The following ZNF264 variants were observed in gnomAD, a reference collection of about 807,000 sequenced individuals.
The protein encoded by ZNF264 is zinc finger protein 264.
ZNF264 carries 11 observed loss-of-function variants against 11.2 expected under a neutral mutation model. That is an observed-to-expected ratio of 0.98 (90% CI 0.62 to 1.63). The LOEUF is 1.63. ZNF264 is among the 40% of genes most tolerant of loss of function. The pLI, the probability that ZNF264 is intolerant of heterozygous loss-of-function variation, is 0.00. For synonymous variants in ZNF264, 309 were observed against 279.8 expected (o/e 1.10, Z -1.04); for missense variants, 752 against 768.1 (o/e 0.98, Z 0.25).
chr19:57,216,349 T>TCAA lies in ZNF264; in HGVS notation c.*3381_*3383dup, dbSNP rs749827560. ...CTGGGCAACAGAGCGAGACTCTGTC[T>TCAA]CAACAACAACAACAAAAAGTCCTGA... On this transcript the variant is annotated 3_prime_UTR_variant, in exon 4 of 4. Transcript: ENST00000263095. 6.6e-6 allele frequency: 1 copy of TCAA among 152,252 alleles called. No individual in the cohort carries two copies. 9.4% of individuals were successfully genotyped at this position (152,252 alleles called of 1,614,324 possible).
At chr19:57,194,554 C>G (rs1015548782) in intron 2 of ZNF264, among the ~76,000 whole-genome samples, 3 of 152,206 alleles carry the variant, frequency 2.0e-5, no homozygotes, top group Non-Finnish European at 4.4e-5. Context: ...AGTCCCAAAG[C>G]TGAAGAACTT....
At chr19:57,205,777 G>T (rs1444819326) in intron 3 of ZNF264, among the ~76,000 whole-genome samples, 1 of 152,192 alleles carries the variant, frequency 6.6e-6, no homozygotes, top group East Asian at 1.9e-4. Context: ...CTGAAATGTG[G>T]CTTGCCAGTC....
intron 3 of ZNF264, among the ~76,000 whole-genome samples, chr19:57,208,339 G>GT (rs950978182): frequency 6.6e-6 from 1 of 152,106 alleles, no homozygotes; most frequent in African/African-American, 2.4e-5. Context: ...GAGCTCAGGA[G>GT]TTTGAGACCG....
chr19:57,212,258 T>G lies in ZNF264; in HGVS notation c.1161T>G (p.Ile387Met). The G allele has an allele frequency of 6.2e-7, 1 of 1,613,460 alleles. No individual in the cohort carries two copies. The highest frequency in any genetic ancestry group is 8.5e-7 in the Non-Finnish European group (1 of 1,179,862). ...TCTTCTTGGAGAGTGCAGCCCTGAT[T>G]CACCACTATGTCATCCACACTGGAG... ...GKVFLESAAL[I>M]HHYVIHTGEK... Residue 387 changes from isoleucine (I) to methionine (M), a missense_variant, in exon 4 of 4, where the codon ATT (isoleucine) becomes ATG (methionine). By Grantham distance (10) the Ile-to-Met change is conservative. Transcript: ENST00000263095.
chr19:57,213,554 CATT>C lies in ZNF264; in HGVS notation c.*574_*576del, dbSNP rs1007656593. 12 of 152,212 alleles carry C rather than the reference CATT, an allele frequency of 7.9e-5. No individual in the cohort carries two copies. Among genetic ancestry groups the C allele is most frequent in the African/African-American group, 2.7e-4 (11 of 41,462 alleles). 9.4% of individuals were successfully genotyped at this position (152,212 alleles called of 1,614,324 possible). A position where few individuals can be genotyped will look rare whatever the true frequency, so the allele number is the denominator to read the frequency against. On this transcript the variant is annotated 3_prime_UTR_variant, in exon 4 of 4. Coordinates refer to ENST00000263095, the MANE Select transcript of ZNF264 (RefSeq NM_003417.5). ...ATGCCCGTCTTTTGGTTTACGTCATCATTGTAGCCATATGGTAAATTTTTATTT... is the reference window on the plus strand; with the variant it reads ...ATGCCCGTCTTTTGGTTTACGTCATCGTAGCCATATGGTAAATTTTTATTT...
At chr19:57,195,520 G>A (rs1342739388) in intron 2 of ZNF264, among the ~76,000 whole-genome samples, 2 of 152,132 alleles carry the variant, frequency 1.3e-5, no homozygotes, top group African/African-American at 4.8e-5. Context: ...CTGGTGGAGT[G>A]ACCCAAACCT....
chr19:57,191,922 A>C lies in ZNF264; in HGVS notation c.9A>C (p.Ala3=), dbSNP rs1483517179. The change falls in exon 1 of 4, where the codon GCA becomes GCC. Residue 3 remains alanine (A), a synonymous_variant. Transcript: ENST00000263095. MA[A]AVLTDRAQVS... ...GCCCAGGGGGTGACGTGATGGCGGC[A>C]GCGGTGCTGACGGACCGGGCCCAGG... 3.9e-6 allele frequency: 6 copies of C among 1,524,062 alleles called. No individual in the cohort carries two copies. Among genetic ancestry groups the C allele is most frequent in the Non-Finnish European group, 5.3e-6 (6 of 1,134,184 alleles). The allele number at this position is 1,524,062 out of a possible 1,614,324, so 94.4% of individuals were successfully genotyped here.
intron 2 of ZNF264, among the ~76,000 whole-genome samples, chr19:57,202,497 T>TCTGACCTC (rs1363450149): frequency 6.6e-6 from 1 of 151,834 alleles, no homozygotes; most frequent in Non-Finnish European, 1.5e-5. Context: ...GGGTCAGGCC[T>TCTGACCTC]CTGACCTCCT....
chr19:57,199,890 C>T (rs150184473), intron 2 of ZNF264, among the ~76,000 whole-genome samples: 10 of 151,848 alleles, frequency 6.6e-5, no homozygotes, highest in African/African-American at 2.4e-4. Flanking sequence ...GGGTTTATCT[C>T]CTCAGACAAA....
chr19:57,192,535 C>G, intron 1 of ZNF264: 6 of 985,370 alleles, frequency 6.1e-6, no homozygotes, highest in Non-Finnish European at 7.2e-6. Context: ...GAGACAAGTT[C>G]TGTCGGAACC....
chr19:57,200,244 A>G (rs1478840707), intron 2 of ZNF264, among the ~76,000 whole-genome samples: 1 of 151,796 alleles, frequency 6.6e-6, no homozygotes, highest in African/African-American at 2.4e-5. Flanking sequence ...TTGGAAAAGA[A>G]TGGGACCCTG....
At chr19:57,211,221 A>G in intron 3 of ZNF264, 133 bp from the exon 4 acceptor site, 1 of 972,440 alleles carries the variant, frequency 1.0e-6, no homozygotes, top group Non-Finnish European at 1.5e-6. Context: ...TTGCAAACCC[A>G]AGAATTTGAG....
chr19:57,210,155 T>C (rs2087324045), intron 3 of ZNF264, among the ~76,000 whole-genome samples: 1 of 152,184 alleles, frequency 6.6e-6, no homozygotes, highest in South Asian at 2.1e-4. Flanking sequence ...ACTTTCTGTC[T>C]CTTTAGACTA....
Position 57,212,073 on chromosome 19 carries a change from C to T in ZNF264, c.976C>T (p.His326Tyr), listed in dbSNP as rs777219086. 1 of 1,614,052 alleles carries T rather than the reference C, an allele frequency of 6.2e-7. No individual in the cohort carries two copies. Among genetic ancestry groups the T allele is most frequent in the South Asian group, 1.1e-5 (1 of 91,084 alleles). Residue 326 changes from histidine to tyrosine, a missense_variant, in exon 4 of 4, where the codon CAT becomes TAT. Coordinates refer to ENST00000263095, the MANE Select transcript of ZNF264 (RefSeq NM_003417.5). ...CACAGAATGTGGCCAAGTCTTTCGA[C>T]ATAGGCCAGGCTTTCTCCGGCACTA... ...VCTECGQVFR[H>Y]RPGFLRHYVV...
chr19:57,205,591 C>G, intron 3 of ZNF264, 99 bp downstream of exon 3: 2 of 1,059,222 alleles, frequency 1.9e-6, no homozygotes, highest in Admixed American at 2.0e-5. Flanking sequence ...TCATTGTGGC[C>G]TCTCTCTATA....
chr19:57,191,923 G>A lies in ZNF264; in HGVS notation c.10G>A (p.Ala4Thr). ...CCCAGGGGGTGACGTGATGGCGGCAGCGGTGCTGACGGACCGGGCCCAGGT... is the reference window on the plus strand; with the variant it reads ...CCCAGGGGGTGACGTGATGGCGGCAACGGTGCTGACGGACCGGGCCCAGGT... MAA[A>T]VLTDRAQVSV... The change falls in exon 1 of 4, where the codon GCG becomes ACG. Residue 4 changes from alanine (A) to threonine (T), a missense_variant. By Grantham distance (58) the Ala-to-Thr change is moderately conservative. Coordinates refer to ENST00000263095, the MANE Select transcript of ZNF264 (RefSeq NM_003417.5). 1.3e-6 allele frequency: 2 copies of A among 1,526,904 alleles called. No individual in the cohort carries two copies. Among genetic ancestry groups the A allele is most frequent in the Non-Finnish European group, 1.8e-6 (2 of 1,135,654 alleles). The allele number at this position is 1,526,904 out of a possible 1,614,324, so 94.6% of individuals were successfully genotyped here. A position where few individuals can be genotyped will look rare whatever the true frequency, so the allele number is the denominator to read the frequency against.
intron 2 of ZNF264, among the ~76,000 whole-genome samples, chr19:57,200,012 A>AG (rs2087239549): frequency 4.2e-5 from 2 of 47,718 alleles, no homozygotes; most frequent in African/African-American, 5.6e-4. Context: ...TAAAAAAAAA[A>AG]AAAGAAAAAA....
At chr19:57,192,777 G>A (rs989645854) in intron 1 of ZNF264, among the ~76,000 whole-genome samples, 2 of 152,068 alleles carry the variant, frequency 1.3e-5, no homozygotes, top group African/African-American at 4.8e-5. Flanking sequence ...TGTCGCCCAG[G>A]CTGGAGTACA....
Position 57,213,443 on chromosome 19 carries a change from T to C in ZNF264, c.*462T>C, listed in dbSNP as rs1345964305. The C allele has an allele frequency of 6.4e-6, 1 of 156,582 alleles. No homozygotes were observed. 9.7% of individuals were successfully genotyped at this position (156,582 alleles called of 1,614,324 possible). On this transcript the variant is annotated 3_prime_UTR_variant, in exon 4 of 4. Transcript: ENST00000263095. Reference sequence around the variant, plus strand: ...TACTTACTCTTGAGAAGCATAACTTTATGACAACTTAGGGGGCTTGAGCCA... The same window carrying C: ...TACTTACTCTTGAGAAGCATAACTTCATGACAACTTAGGGGGCTTGAGCCA...
Sources: allele counts gnomAD v4.1 joint callset (sites outside exome capture counted in the v4.1 genomes callset), GRCh38; gene constraint gnomAD v4.1.1; transcripts MANE v1.5; gene names NCBI Gene and HGNC (gene_info 2026-07-23, HGNC 2026-07-21).